RAD54B: variants seen among roughly 807,000 people sequenced by gnomAD.
RAD54B encodes RAD54 homolog B, also known as DNA repair and recombination protein RAD54B.
In RAD54B, 78 loss-of-function variants were observed where a neutral mutation model predicts 95.8. That is an observed-to-expected ratio of 0.81 (90% CI 0.68 to 0.98). RAD54B has a LOEUF of 0.98. Among genes scored for constraint, RAD54B ranks in the 50% least tolerant of loss-of-function variants. RAD54B has a pLI of 0.00. For synonymous variants in RAD54B, 328 were observed against 354.9 expected (o/e 0.92, Z 0.85); for missense variants, 957 against 1,056.6 (o/e 0.91, Z 1.31).
intron 2 of RAD54B, among the ~76,000 whole-genome samples, chr8:94,464,059 T>G (rs977893035): frequency 1.4e-4 from 21 of 151,892 alleles, no homozygotes; most frequent in Admixed American, 2.0e-4. Flanking sequence ...AATTGTGGTA[T>G]ATTAAAACAA....
intron 3 of RAD54B, among the ~76,000 whole-genome samples, chr8:94,437,163 A>G (rs1163335194): frequency 6.6e-6 from 1 of 152,234 alleles, no homozygotes; most frequent in African/African-American, 2.4e-5. Context: ...TAATACACAA[A>G]GGTCTAGAGA....
chr8:94,458,957 T>C (rs1043617827), intron 2 of RAD54B, among the ~76,000 whole-genome samples: 36 of 152,254 alleles, frequency 2.4e-4, no homozygotes, highest in African/African-American at 8.2e-4. Context: ...CTGAATGATA[T>C]GACAGAATGA....
chr8:94,399,354 C>G, intron 8 of RAD54B, 60 bp downstream of exon 8: 1 of 1,316,116 alleles, frequency 7.6e-7, no homozygotes, highest in South Asian at 1.2e-5. Context: ...CATCATAGTA[C>G]AAGTCTGTAT....
At chr8:94,378,667 A>G in intron 12 of RAD54B, 33 bp from the exon 13 acceptor site, 1 of 1,453,870 alleles carries the variant, frequency 6.9e-7, no homozygotes, top group Non-Finnish European at 9.5e-7. Flanking sequence ...CTGAGAGTAC[A>G]GTAGAAACTA....
intron 4 of RAD54B, 124 bp from the exon 5 acceptor site, chr8:94,407,844 G>T: frequency 1.6e-6 from 1 of 632,752 alleles, no homozygotes; most frequent in Non-Finnish European, 2.5e-6. Flanking sequence ...AGCCAAAATG[G>T]AAGCATAATT....
intron 3 of RAD54B, among the ~76,000 whole-genome samples, chr8:94,455,123 C>G (rs984315344): frequency 1.1e-4 from 17 of 152,208 alleles, no homozygotes; most frequent in Non-Finnish European, 2.5e-4. Context: ...CATACTTACT[C>G]GCATTCACTT....
At chr8:94,466,698 C>G (rs1000068116) in intron 2 of RAD54B, among the ~76,000 whole-genome samples, 1 of 151,794 alleles carries the variant, frequency 6.6e-6, no homozygotes, top group Non-Finnish European at 1.5e-5. Flanking sequence ...TGAGCCACTG[C>G]ACCCAGCCAG....
At chr8:94,386,551 A>C (rs1360356720) in intron 11 of RAD54B, among the ~76,000 whole-genome samples, 1 of 151,514 alleles carries the variant, frequency 6.6e-6, no homozygotes, top group Admixed American at 6.6e-5. Flanking sequence ...GTCATCACAC[A>C]CACACACTGG....
At position 94,372,169 on chromosome 8, in the gene RAD54B, A is replaced by T; in HGVS notation, c.*1T>A. The T allele has an allele frequency of 6.3e-7, 1 of 1,592,532 alleles. No homozygotes were observed. On this transcript the variant is annotated 3_prime_UTR_variant, in exon 15 of 15. Transcript: ENST00000336148. Reference sequence around the variant, plus strand: ...AATGGAATGTCAGAAGTAATCTTTCACTATGTGCCAGTAGCTTGAGTGGTT... The same window carrying T: ...AATGGAATGTCAGAAGTAATCTTTCTCTATGTGCCAGTAGCTTGAGTGGTT...
intron 3 of RAD54B, chr8:94,429,372 TA>T: frequency 1.5e-6 from 1 of 682,966 alleles, no homozygotes. Context: ...CCACCAAAAA[TA>T]AAAAAGATGT....
At chr8:94,458,942 T>C (rs1812838343) in intron 2 of RAD54B, among the ~76,000 whole-genome samples, 1 of 152,202 alleles carries the variant, frequency 6.6e-6, no homozygotes, top group Non-Finnish European at 1.5e-5. Context: ...ATTATGCTAC[T>C]AAAACTGAAT....
intron 14 of RAD54B, among the ~76,000 whole-genome samples, chr8:94,374,142 G>C (rs1373744646): frequency 6.6e-6 from 1 of 152,102 alleles, no homozygotes; most frequent in East Asian, 1.9e-4. Flanking sequence ...AGCCAGACGT[G>C]GTGGCAGGCG....
At chr8:94,380,467 T>G (rs1810712070) in intron 11 of RAD54B, 61 bp from the exon 12 acceptor site, 2 of 1,476,128 alleles carry the variant, frequency 1.4e-6, no homozygotes, top group Non-Finnish European at 1.8e-6. Context: ...ATTTTCTTAG[T>G]TGAAAGAAAA....
chr8:94,385,354 A>G (rs555107543), intron 11 of RAD54B, among the ~76,000 whole-genome samples: 1 of 59,170 alleles, frequency 1.7e-5, no homozygotes, highest in Non-Finnish European at 3.7e-5. Flanking sequence ...TCAGAGAAAA[A>G]AAAAAGTCCA....
chr8:94,375,688 G>C (rs1810550327), intron 14 of RAD54B, among the ~76,000 whole-genome samples: 1 of 152,104 alleles, frequency 6.6e-6, no homozygotes, highest in Non-Finnish European at 1.5e-5. Context: ...GGAAGAAAAA[G>C]AATGAGGAAA....
Position 94,404,142 on chromosome 8 carries a change from T to A in RAD54B, c.879A>T (p.Val293=), listed in dbSNP as rs146985125. ...CTTTCTGATGTGGTCGAAGATGATA[T>A]ACAAGGTAAGGATCAATCACTACAT... ...LVDVVIDPYL[V]YHLRPHQKEG... Residue 293 remains valine (V), a synonymous_variant, in exon 6 of 15, where the codon GTA becomes GTT. Coordinates refer to ENST00000336148, the MANE Select transcript of RAD54B (RefSeq NM_012415.3). The A allele has an allele frequency of 5.6e-6, 9 of 1,611,124 alleles. No individual in the cohort carries two copies. In the African/African-American group the frequency reaches 1.2e-4, roughly 21 times the overall value.
intron 14 of RAD54B, among the ~76,000 whole-genome samples, chr8:94,377,772 C>A (rs1265635233): frequency 3.3e-5 from 5 of 149,930 alleles, no homozygotes; most frequent in African/African-American, 1.2e-4. Context: ...GTCAGGAGAT[C>A]GAGACCATCC....
chr8:94,452,142 G>C (rs182006192), intron 3 of RAD54B, among the ~76,000 whole-genome samples: 2 of 152,306 alleles, frequency 1.3e-5, no homozygotes, highest in South Asian at 2.1e-4. Context: ...TTTCACAGAG[G>C]AAATAATCTC....
At chr8:94,415,831 C>T (rs1462684693) in intron 3 of RAD54B, among the ~76,000 whole-genome samples, 1 of 150,418 alleles carries the variant, frequency 6.6e-6, no homozygotes, top group Non-Finnish European at 1.5e-5. Flanking sequence ...CCATCTCACA[C>T]CAGTTAGAAT....
Sources: gnomAD v4.1 joint callset for allele counts (sites outside exome capture counted in the v4.1 genomes callset) on GRCh38, gnomAD v4.1.1 for gene constraint, MANE v1.5 for transcripts, NCBI Gene and HGNC (gene_info 2026-07-23, HGNC 2026-07-21) for gene names.